The following LRP1B variants were observed in gnomAD, a reference collection of about 807,000 sequenced individuals.
LRP1B encodes the protein LDL receptor related protein 1B.
LRP1B carries 217 observed loss-of-function variants against 556.6 expected under a neutral mutation model. The ratio of observed to expected loss-of-function variants is 0.39; its 90% CI spans 0.35 to 0.44. The LOEUF (loss-of-function observed/expected upper bound fraction) is 0.44. Ranked by LOEUF, LRP1B falls within the 20% of genes least tolerant of loss-of-function variation. The pLI, the probability that LRP1B is intolerant of heterozygous loss-of-function variation, is 1.00. For synonymous variants in LRP1B, 2,047 were observed against 1,865.8 expected (o/e 1.10, Z -2.50); for missense variants, 5,053 against 5,620.8 (o/e 0.90, Z 3.23).
chr2:141,744,081 A>G (rs1693824403), intron 2 of LRP1B, among the ~76,000 whole-genome samples: 1 of 151,150 alleles, frequency 6.6e-6, no homozygotes, highest in South Asian at 2.1e-4. Flanking sequence ...AAGATGCCTC[A>G]TTATTTATTT....
intron 41 of LRP1B, among the ~76,000 whole-genome samples, chr2:140,608,518 CTTTT>C (rs1682952139): frequency 2.0e-5 from 3 of 152,314 alleles, no homozygotes; most frequent in African/African-American, 7.2e-5. Context: ...CTTACTCTTT[CTTTT>C]GTCCTTATTA....
chr2:141,712,234 T>G (rs2105480081), intron 2 of LRP1B, among the ~76,000 whole-genome samples: 1 of 152,250 alleles, frequency 6.6e-6, no homozygotes, highest in Non-Finnish European at 1.5e-5. Flanking sequence ...ACAGAAAAAT[T>G]TATGATCATT....
intron 2 of LRP1B, among the ~76,000 whole-genome samples, chr2:141,533,913 T>G (rs554969633): frequency 7.2e-5 from 11 of 152,320 alleles, no homozygotes; most frequent in African/African-American, 2.4e-4. Flanking sequence ...TTCAAATGTA[T>G]GTAAATATTT....
chr2:140,304,808 A>T (rs1249763651), intron 83 of LRP1B, among the ~76,000 whole-genome samples: 5 of 152,170 alleles, frequency 3.3e-5, no homozygotes, highest in Non-Finnish European at 5.9e-5. Flanking sequence ...TTAAGTCTTT[A>T]ATCCATCTTG....
At chr2:140,415,201 C>A (rs1962477) in intron 66 of LRP1B, among the ~76,000 whole-genome samples, 44,240 of 152,102 alleles carry the variant, frequency 0.29, 7,449 homozygotes, top group Non-Finnish European at 0.39. Context: ...CAAGACAATA[C>A]TTGCACTGCT....
chr2:141,032,826 CAT>C (rs71391641), intron 11 of LRP1B, among the ~76,000 whole-genome samples: 17 of 126,568 alleles, frequency 1.3e-4, no homozygotes, highest in Admixed American at 3.9e-4. Flanking sequence ...TATATACATA[CAT>C]ATATATATAT....
intron 90 of LRP1B, among the ~76,000 whole-genome samples, chr2:140,234,117 C>T (rs1208484137): frequency 6.6e-6 from 1 of 151,188 alleles, no homozygotes; most frequent in Admixed American, 6.6e-5. Flanking sequence ...TTAGTTACAA[C>T]AAGGAAACAT....
At chr2:140,837,919 T>C (rs1367403547) in intron 31 of LRP1B, among the ~76,000 whole-genome samples, 1 of 152,150 alleles carries the variant, frequency 6.6e-6, no homozygotes, top group Non-Finnish European at 1.5e-5. Flanking sequence ...GTTGTGCACA[T>C]GTACCTGAAA....
chr2:140,792,083 T>G (rs1481266974), intron 32 of LRP1B, among the ~76,000 whole-genome samples: 1 of 152,106 alleles, frequency 6.6e-6, no homozygotes, highest in African/African-American at 2.4e-5. Flanking sequence ...ACCCTTATCT[T>G]CCATTAATTC....
chr2:140,855,484 C>G (rs999090460), intron 27 of LRP1B, among the ~76,000 whole-genome samples: 1 of 15,882 alleles, frequency 6.3e-5, no homozygotes, highest in African/African-American at 1.3e-4. Context: ...TAGGTCCCAT[C>G]TCTACTGGGA....
chr2:142,124,890 C>CTT (rs34470563), intron 1 of LRP1B, among the ~76,000 whole-genome samples: 4 of 146,738 alleles, frequency 2.7e-5, no homozygotes, highest in Non-Finnish European at 4.5e-5. Context: ...ACCAGTCTTA[C>CTT]TTTTTTTTTT....
intron 7 of LRP1B, among the ~76,000 whole-genome samples, chr2:141,065,863 G>T (rs1699467797): frequency 6.6e-6 from 1 of 151,796 alleles, no homozygotes; most frequent in African/African-American, 2.4e-5. Context: ...AGGGCCCCCA[G>T]GTTAGCACTC....
rs754908046 is a variant in LRP1B at position 140,554,882 on chromosome 2, GTGTA to G, written c.7195-12915_7195-12912del. Reference sequence around the variant, plus strand: ...TGTGTGTGTGTGTGTGTGTGTGTGTGTGTATATGTATATGAACTACTAGCTAGGC... The same window carrying G: ...TGTGTGTGTGTGTGTGTGTGTGTGTGTATGTATATGAACTACTAGCTAGGC... On this transcript the variant is annotated intron_variant, in intron 43 of 90. Transcript: ENST00000389484. 3.4e-3 allele frequency among the ~76,000 whole-genome samples: 265 copies of G among 78,956 alleles called. 3 individuals carry two copies. The highest frequency in any genetic ancestry group is 6.7e-3 in the Admixed American group (57 of 8,460). 51.8% of individuals were successfully genotyped at this position (78,956 alleles called of 152,430 possible). A position where few individuals can be genotyped will look rare whatever the true frequency, so the allele number is the denominator to read the frequency against.
intron 7 of LRP1B, among the ~76,000 whole-genome samples, chr2:141,171,983 A>G (rs1195498428): frequency 6.6e-6 from 1 of 152,130 alleles, no homozygotes; most frequent in East Asian, 1.9e-4. Flanking sequence ...TCACATTCTG[A>G]TGCAGCACAA....
At chr2:140,575,921 A>AAAAAAAC (rs112393405) in intron 43 of LRP1B, among the ~76,000 whole-genome samples, 6,581 of 149,194 alleles carry the variant, frequency 0.044, 424 homozygotes, top group African/African-American at 0.14. Context: ...ACTCTGTCTC[A>AAAAAAAC]AAAAAACAAA....
intron 2 of LRP1B, among the ~76,000 whole-genome samples, chr2:141,486,197 G>A (rs1460061077): frequency 6.6e-6 from 1 of 152,080 alleles, no homozygotes; most frequent in Non-Finnish European, 1.5e-5. Flanking sequence ...ATCATTGGGT[G>A]ACCCAAATTA....
intron 3 of LRP1B, among the ~76,000 whole-genome samples, chr2:141,292,948 A>G (rs1430913067): frequency 6.6e-6 from 1 of 152,208 alleles, no homozygotes; most frequent in Non-Finnish European, 1.5e-5. Context: ...AAATTGTACC[A>G]TATGAATATA....
At chr2:141,837,442 AT>A (rs1214877525) in intron 1 of LRP1B, among the ~76,000 whole-genome samples, 1 of 151,980 alleles carries the variant, frequency 6.6e-6, no homozygotes, top group Non-Finnish European at 1.5e-5. Context: ...CATGATGCAA[AT>A]TTTGTGCCTG....
At chr2:140,289,547 A>T (rs1196290607) in intron 84 of LRP1B, among the ~76,000 whole-genome samples, 1 of 151,724 alleles carries the variant, frequency 6.6e-6, no homozygotes, top group African/African-American at 2.4e-5. Context: ...TTTCTAATAA[A>T]TTTCCTTTTA....
Sources: allele counts gnomAD v4.1 joint callset (sites outside exome capture counted in the v4.1 genomes callset), GRCh38; gene constraint gnomAD v4.1.1; transcripts MANE v1.5; gene names NCBI Gene and HGNC (gene_info 2026-07-23, HGNC 2026-07-21).